The following KIF1B variants were observed in gnomAD, a reference collection of about 807,000 sequenced individuals.
KIF1B encodes the protein kinesin-like protein KIF1B.
KIF1B carries 76 observed loss-of-function variants against 241.9 expected under a neutral mutation model. That is an observed-to-expected ratio of 0.31 (90% CI 0.26 to 0.38). The LOEUF is 0.38. KIF1B is among the 10% of genes least tolerant of loss of function. The probability of loss-of-function intolerance (pLI) is 1.00; values close to 1 mark genes in which losing one functional copy is unlikely to be tolerated. For synonymous variants in KIF1B, 750 were observed against 796.7 expected (o/e 0.94, Z 0.99); for missense variants, 1,622 against 2,271.4 (o/e 0.71, Z 5.81).
At chr1:10,339,899 T>C (rs1372095694) in intron 32 of KIF1B, 40 bp downstream of exon 32, 3 of 1,538,800 alleles carry the variant, frequency 1.9e-6, no homozygotes, top group Non-Finnish European at 2.7e-6. Context: ...TATGTTTTTC[T>C]GGTACCTTGG....
chr1:10,263,150 G>A (rs1170051985), intron 5 of KIF1B, among the ~76,000 whole-genome samples: 2 of 151,852 alleles, frequency 1.3e-5, no homozygotes, highest in Non-Finnish European at 2.9e-5. Context: ...CGGCTGTGGT[G>A]GTGCACACCT....
chr1:10,240,086 CAG>C (rs1398968734), intron 2 of KIF1B, among the ~76,000 whole-genome samples: 2 of 151,794 alleles, frequency 1.3e-5, no homozygotes, highest in African/African-American at 4.8e-5. Context: ...GTATTTTTGG[CAG>C]AGACAGGGTT....
intron 2 of KIF1B, among the ~76,000 whole-genome samples, chr1:10,245,915 GGTTA>G (rs1320973212): frequency 6.6e-6 from 1 of 152,116 alleles, no homozygotes; most frequent in East Asian, 1.9e-4. Flanking sequence ...CTCCCAGGTT[GGTTA>G]TTCTTTACCT....
At chr1:10,297,387 A>G (rs1311044174) in intron 22 of KIF1B, 141 bp downstream of exon 22, 2 of 820,656 alleles carry the variant, frequency 2.4e-6, no homozygotes, top group East Asian at 4.9e-5. Context: ...TTAATGGAGA[A>G]TGAACTTAAA....
At chr1:10,225,378 G>A (rs867429902) in intron 1 of KIF1B, among the ~76,000 whole-genome samples, 10 of 152,098 alleles carry the variant, frequency 6.6e-5, no homozygotes, top group Non-Finnish European at 1.2e-4. Flanking sequence ...CCAGCTGCTC[G>A]GGAAACTGAG....
At chr1:10,355,452 G>C (rs1226674161) in intron 38 of KIF1B, 1 of 152,488 alleles carries the variant, frequency 6.6e-6, no homozygotes, top group African/African-American at 2.4e-5. Context: ...AATGCTTTCT[G>C]TCTTATGTTG....
At chr1:10,305,381 T>G in intron 22 of KIF1B, 1 of 1,053,020 alleles carries the variant, frequency 9.5e-7, no homozygotes, top group Non-Finnish European at 1.1e-6. Context: ...GTTTGTGGTT[T>G]GCATTTTGAA....
chr1:10,328,385 A>G (rs1359550849), intron 27 of KIF1B, among the ~76,000 whole-genome samples: 8 of 152,200 alleles, frequency 5.3e-5, no homozygotes, highest in Admixed American at 4.6e-4. Flanking sequence ...CCAGTGGCAA[A>G]GGAGCATTTA....
chr1:10,338,210 C>T (rs574586571), intron 31 of KIF1B, among the ~76,000 whole-genome samples: 34 of 152,226 alleles, frequency 2.2e-4, no homozygotes, highest in East Asian at 5.8e-4. Flanking sequence ...CCATACCTAC[C>T]GCCCTCAGTT....
chr1:10,275,309 C>A, intron 10 of KIF1B, 119 bp from the exon 11 acceptor site: 1 of 671,250 alleles, frequency 1.5e-6, no homozygotes, highest in Non-Finnish European at 2.7e-6. Flanking sequence ...TGATAAACTT[C>A]CACAGTGTCG....
At chr1:10,311,695 G>T (rs1464369077) in intron 22 of KIF1B, among the ~76,000 whole-genome samples, 1 of 151,236 alleles carries the variant, frequency 6.6e-6, no homozygotes, top group Non-Finnish European at 1.5e-5. Flanking sequence ...TGACACAGTT[G>T]TCTGCTCTTC....
At chr1:10,348,370 A>G (rs1652664224) in intron 36 of KIF1B, among the ~76,000 whole-genome samples, 1 of 152,246 alleles carries the variant, frequency 6.6e-6, no homozygotes, top group South Asian at 2.1e-4. Flanking sequence ...GCTGGGATGC[A>G]GCCACATAAT....
intron 34 of KIF1B, among the ~76,000 whole-genome samples, chr1:10,343,619 A>G (rs1434392176): frequency 1.3e-5 from 2 of 152,086 alleles, no homozygotes; most frequent in Non-Finnish European, 2.9e-5. Context: ...TTAGCCGGGC[A>G]TGGTGGCACA....
chr1:10,342,862 T>C (rs1652452489), intron 33 of KIF1B, among the ~76,000 whole-genome samples: 2 of 152,212 alleles, frequency 1.3e-5, no homozygotes, highest in Non-Finnish European at 1.5e-5. Context: ...ACAAAGAGAA[T>C]TAGAAAGCGA....
chr1:10,271,692 C>T (rs1648808227), intron 8 of KIF1B, 113 bp downstream of exon 8: 7 of 788,200 alleles, frequency 8.9e-6, no homozygotes, highest in South Asian at 5.6e-5. Flanking sequence ...TTGTCTATGG[C>T]TGCTTTTGCA....
chr1:10,343,918 G>A (rs1291215620), intron 34 of KIF1B, among the ~76,000 whole-genome samples: 2 of 152,104 alleles, frequency 1.3e-5, no homozygotes, highest in Non-Finnish European at 2.9e-5. Flanking sequence ...TCCCATAACT[G>A]TCAGGGGACT....
intron 5 of KIF1B, among the ~76,000 whole-genome samples, chr1:10,263,769 T>C (rs555506983): frequency 3.2e-4 from 49 of 152,232 alleles, no homozygotes; most frequent in Non-Finnish European, 6.0e-4. Context: ...CCCTTTTCTT[T>C]TGTATTAGAG....
intron 37 of KIF1B, among the ~76,000 whole-genome samples, chr1:10,352,014 G>A (rs921698937): frequency 6.6e-6 from 1 of 152,156 alleles, no homozygotes; most frequent in Admixed American, 6.5e-5. Flanking sequence ...TCAGTCAGTG[G>A]CTTCAGAAGT....
At chr1:10,336,541 C>T (rs1652187251) in intron 28 of KIF1B, 116 bp from the exon 29 acceptor site, 5 of 826,038 alleles carry the variant, frequency 6.1e-6, no homozygotes, top group Admixed American at 5.2e-5. Context: ...CGTGTTACTA[C>T]TTTGGTATCA....
Sources: allele counts gnomAD v4.1 joint callset (sites outside exome capture counted in the v4.1 genomes callset), GRCh38; gene constraint gnomAD v4.1.1; transcripts MANE v1.5; gene names NCBI Gene and HGNC (gene_info 2026-07-23, HGNC 2026-07-21).